Variants in POLQ observed in about 807,000 individuals in gnomAD.
POLQ encodes the protein DNA polymerase theta.
Under a neutral mutation model 259.2 loss-of-function variants are expected in POLQ, and 233 were observed. The ratio of observed to expected loss-of-function variants is 0.90; its 90% CI spans 0.81 to 1.00. POLQ has a LOEUF of 1.00. Among genes scored for constraint, POLQ ranks in the 50% least tolerant of loss-of-function variants. The pLI is 0.00. For missense variants in POLQ, 2,871 were observed against 3,051.6 expected, an observed-to-expected ratio of 0.94 and a Z score of 1.39; for synonymous variants, 1,025 against 1,048.8, an observed-to-expected ratio of 0.98 and a Z score of 0.44.
chr3:121,493,704 A>G lies in POLQ; in HGVS notation c.2296T>C (p.Ser766Pro). The G allele has an allele frequency of 6.2e-7, 1 of 1,613,658 alleles. No individual in the cohort carries two copies. The highest frequency in any genetic ancestry group is 8.5e-7 in the Non-Finnish European group (1 of 1,179,568). Residue 766 changes from serine to proline, a missense_variant, in exon 15 of 30, where the codon TCC (serine) becomes CCC (proline). This residue lies in a region of POLQ where 2,080 missense variants were observed against 2,126.0 expected (regional missense o/e 0.98). Transcript: ENST00000264233. ...AVYAGMITVF[S>P]NRLGWHNMEL... ...ATGTTGTGCCAGCCCAGACGGTTGGAAAATACTGTAATCATCCCTAGAACA... is the reference window on the plus strand; with the variant it reads ...ATGTTGTGCCAGCCCAGACGGTTGGGAAATACTGTAATCATCCCTAGAACA...
At chr3:121,524,800 G>A (rs566804031) in intron 7 of POLQ, among the ~76,000 whole-genome samples, 2 of 152,148 alleles carry the variant, frequency 1.3e-5, no homozygotes, top group African/African-American at 2.4e-5. Context: ...TTATATTATG[G>A]TTAAACAGAT....
intron 7 of POLQ, among the ~76,000 whole-genome samples, chr3:121,526,048 G>T (rs531196320): frequency 1.3e-5 from 2 of 152,074 alleles, no homozygotes; most frequent in Non-Finnish European, 2.9e-5. Flanking sequence ...TTTCCATAGA[G>T]TACAGTGCGT....
intron 22 of POLQ, among the ~76,000 whole-genome samples, chr3:121,469,015 G>A (rs546537173): frequency 6.6e-6 from 1 of 151,780 alleles, no homozygotes; most frequent in African/African-American, 2.4e-5. Flanking sequence ...GTGAAACCCC[G>A]TCTCCACTAA....
At chr3:121,540,883 G>A (rs1450328467) in intron 3 of POLQ, among the ~76,000 whole-genome samples, 2 of 140,220 alleles carry the variant, frequency 1.4e-5, no homozygotes, top group Non-Finnish European at 3.0e-5. Flanking sequence ...ATTTCCTTCT[G>A]TAAATTTTTT....
intron 27 of POLQ, among the ~76,000 whole-genome samples, chr3:121,438,916 G>T (rs1394351857): frequency 6.6e-6 from 1 of 152,172 alleles, no homozygotes; most frequent in Non-Finnish European, 1.5e-5. Flanking sequence ...GTCCCTAAAA[G>T]CATTAATGCT....
chr3:121,494,847 T>G, intron 14 of POLQ: 1 of 1,585,544 alleles, frequency 6.3e-7, no homozygotes, highest in Non-Finnish European at 8.5e-7. Context: ...CCTAAGTCTG[T>G]GGCTCGTATC....
At chr3:121,545,634 C>T in intron 1 of POLQ, 81 bp downstream of exon 1, 2 of 1,350,842 alleles carry the variant, frequency 1.5e-6, no homozygotes, top group South Asian at 1.4e-5. Context: ...GAAGCAAGTC[C>T]CGTGGGGTGA....
At chr3:121,480,052 G>A (rs2047958534) in intron 19 of POLQ, among the ~76,000 whole-genome samples, 1 of 151,806 alleles carries the variant, frequency 6.6e-6, no homozygotes, top group South Asian at 2.1e-4. Context: ...GTAAAAAAGA[G>A]AGACTTAGCA....
intron 22 of POLQ, among the ~76,000 whole-genome samples, chr3:121,471,273 T>G (rs1334826669): frequency 6.6e-6 from 1 of 152,064 alleles, no homozygotes; most frequent in Non-Finnish European, 1.5e-5. Context: ...AGACACTTAC[T>G]TATACGGATG....
intron 22 of POLQ, among the ~76,000 whole-genome samples, chr3:121,470,311 C>T (rs2047873657): frequency 6.6e-6 from 1 of 152,118 alleles, no homozygotes; most frequent in South Asian, 2.1e-4. Flanking sequence ...GTTGTCTTTT[C>T]ATCACGGAGG....
At chr3:121,438,854 T>A (rs565895257) in intron 27 of POLQ, among the ~76,000 whole-genome samples, 1 of 152,194 alleles carries the variant, frequency 6.6e-6, no homozygotes, top group Non-Finnish European at 1.5e-5. Flanking sequence ...CATGTGGATA[T>A]ATGGGAGGCT....
intron 22 of POLQ, among the ~76,000 whole-genome samples, 166 bp from the exon 23 acceptor site, chr3:121,468,597 T>C (rs917175630): frequency 4.6e-5 from 7 of 152,210 alleles, no homozygotes; most frequent in Non-Finnish European, 8.8e-5. Context: ...CTAACAATGA[T>C]AAAATAAGTA....
At chr3:121,529,046 A>G (rs1455234386) in intron 7 of POLQ, among the ~76,000 whole-genome samples, 3 of 152,214 alleles carry the variant, frequency 2.0e-5, no homozygotes, top group African/African-American at 7.2e-5. Flanking sequence ...AGGCTACATG[A>G]CATACCTTTT....
In POLQ at chr3:121,488,493, C is replaced by T; in HGVS notation, c.4438G>A (p.Glu1480Lys). 1 of 1,608,372 alleles carries T rather than the reference C, an allele frequency of 6.2e-7. No homozygotes were observed. The highest frequency in any genetic ancestry group is 8.5e-7 in the Non-Finnish European group (1 of 1,177,996). Residue 1480 changes from glutamate to lysine, a missense_variant, in exon 16 of 30, where the codon GAA becomes AAA. Coordinates refer to ENST00000264233, the MANE Select transcript of POLQ (RefSeq NM_199420.4). ...CTATCACTCATATTCAAACTTGTTT[C>T]AGGAACTGGAAGACATTCTCCTTCT... ...GVEGECLPVP[E>K]TSLNMSDSLL...
At chr3:121,433,151 T>A (rs905756558) in intron 28 of POLQ, 118 bp from the exon 29 acceptor site, 1 of 662,764 alleles carries the variant, frequency 1.5e-6, no homozygotes, top group African/African-American at 1.8e-5. Flanking sequence ...CACACAAGAA[T>A]AAGAACTATC....
chr3:121,533,045 A>G lies in POLQ; in HGVS notation c.905T>C (p.Ile302Thr). 6.2e-7 allele frequency: 1 copy of G among 1,614,022 alleles called. No individual in the cohort carries two copies. The highest frequency in any genetic ancestry group is 8.5e-7 in the Non-Finnish European group (1 of 1,179,936). The part of the protein sequence containing the change: ...LLESVKVGNS[I>T]YDSSMKLVRE... ...CACAAGTTTCATTGAAGAGTCATAT[A>G]TGGAATTTCCAACTTTTACTGACTC... Residue 302 changes from isoleucine (I) to threonine (T), a missense_variant, in exon 6 of 30, where the codon ATA becomes ACA. By Grantham distance (89) the Ile-to-Thr change is moderately conservative. This residue lies in a region of POLQ where 783 missense variants were observed against 906.2 expected (regional missense o/e 0.86). Coordinates refer to ENST00000264233, the MANE Select transcript of POLQ (RefSeq NM_199420.4).
intron 9 of POLQ, among the ~76,000 whole-genome samples, chr3:121,513,633 A>G (rs13080024): frequency 6.7e-6 from 1 of 149,724 alleles, no homozygotes; most frequent in Non-Finnish European, 1.5e-5. Flanking sequence ...AAAAAGGAAA[A>G]CAAGATGTCA....
rs770650776 is a variant in POLQ, at chr3:121,496,872, A to G, written c.2214T>C (p.Asn738=). 1.5e-5 allele frequency: 25 copies of G among 1,613,602 alleles called. No individual in the cohort carries two copies. Among genetic ancestry groups the G allele is most frequent in the Non-Finnish European group, 1.7e-6 (2 of 1,179,834 alleles). Residue 738 remains asparagine (N), a synonymous_variant, in exon 14 of 30, where the codon AAT becomes AAC. Transcript: ENST00000264233. Reference sequence around the variant, plus strand: ...GCCCACGATTGCATCCATATTTCTGATTTATTTCCCTTAAGGGAACTTCAC... The same window carrying G: ...GCCCACGATTGCATCCATATTTCTGGTTTATTTCCCTTAAGGGAACTTCAC... ...LISEVPLREI[N]QKYGCNRGQI...
chr3:121,521,245 T>C (rs2108812972), intron 8 of POLQ, among the ~76,000 whole-genome samples: 1 of 152,316 alleles, frequency 6.6e-6, no homozygotes, highest in South Asian at 2.1e-4. Context: ...GTATCCATGC[T>C]GTATACACTA....
Sources: allele counts gnomAD v4.1 joint callset (sites outside exome capture counted in the v4.1 genomes callset), GRCh38; gene constraint gnomAD v4.1.1; regional missense constraint gnomAD v4.1.1; transcripts MANE v1.5; gene names NCBI Gene and HGNC (gene_info 2026-07-23, HGNC 2026-07-21).